DIP2B: variants seen among roughly 807,000 people sequenced by gnomAD.
DIP2B encodes the protein DIP2 acetate--CoA ligase B (putative).
In DIP2B, 76 loss-of-function variants were observed where a neutral mutation model predicts 198.0. That is an observed-to-expected ratio of 0.38 (90% CI 0.32 to 0.46). DIP2B has a LOEUF of 0.46. Ranked by LOEUF, DIP2B falls within the 20% of genes least tolerant of loss-of-function variation. The pLI is 0.99. For missense variants in DIP2B, 1,559 were observed against 1,978.4 expected, an observed-to-expected ratio of 0.79 and a Z score of 4.02; for synonymous variants, 701 against 739.1, an observed-to-expected ratio of 0.95 and a Z score of 0.84.
intron 7 of DIP2B, among the ~76,000 whole-genome samples, chr12:50,677,282 T>C (rs1938962545): frequency 6.6e-6 from 1 of 152,120 alleles, no homozygotes; most frequent in Admixed American, 6.5e-5. Context: ...GTGCACTCTA[T>C]CTAGAGTGAT....
chr12:50,678,552 C>A, intron 7 of DIP2B, 127 bp from the exon 8 acceptor site: 1 of 1,010,030 alleles, frequency 9.9e-7, no homozygotes, highest in Non-Finnish European at 1.4e-6. Flanking sequence ...TAACCATGTC[C>A]TTTCTCAAAG....
chr12:50,725,158 T>G (rs1939908932), intron 28 of DIP2B, among the ~76,000 whole-genome samples: 1 of 152,190 alleles, frequency 6.6e-6, no homozygotes, highest in Non-Finnish European at 1.5e-5. Flanking sequence ...TTATGCTACA[T>G]GTGACTATGT....
chr12:50,596,281 T>A lies in DIP2B; in HGVS notation c.101-29695T>A, dbSNP rs76365183. On this transcript the variant is annotated intron_variant, in intron 1 of 37. Coordinates refer to ENST00000301180, the MANE Select transcript of DIP2B (RefSeq NM_173602.3). ...CAAAAAATAAAAAATTGGGAGAGGGTCTTATGACTCAGTTTTGACTGTATG... is the reference window on the plus strand; with the variant it reads ...CAAAAAATAAAAAATTGGGAGAGGGACTTATGACTCAGTTTTGACTGTATG... Among the ~76,000 whole-genome samples the A allele has an allele frequency of 7.1e-3, 1,082 of 151,878 alleles. 15 individuals carry two copies. The highest frequency in any genetic ancestry group is 0.025 in the African/African-American group (1,041 of 41,420).
chr12:50,639,546 C>G (rs939634), intron 2 of DIP2B, among the ~76,000 whole-genome samples: 145,789 of 151,810 alleles, frequency 0.96, 70,277 homozygotes, highest in East Asian at 1. Context: ...CTTTACTGGG[C>G]TGTGTGGCAC....
chr12:50,637,072 G>A (rs755613876), intron 2 of DIP2B, among the ~76,000 whole-genome samples: 1 of 152,082 alleles, frequency 6.6e-6, no homozygotes, highest in Non-Finnish European at 1.5e-5. Context: ...GATTGATTGA[G>A]CCTTCTTGGA....
chr12:50,700,099 C>G (rs1939392088), intron 19 of DIP2B, among the ~76,000 whole-genome samples: 2 of 152,154 alleles, frequency 1.3e-5, no homozygotes, highest in Admixed American at 1.3e-4. Context: ...TTTTGAGCAC[C>G]TTTAATGTGT....
intron 19 of DIP2B, among the ~76,000 whole-genome samples, chr12:50,700,441 C>G (rs1361561523): frequency 6.6e-6 from 1 of 152,158 alleles, no homozygotes; most frequent in East Asian, 1.9e-4. Context: ...CTTTGAGCTT[C>G]TTTTTCTATA....
chr12:50,555,964 A>G (rs1445848370), intron 1 of DIP2B, among the ~76,000 whole-genome samples: 2 of 151,978 alleles, frequency 1.3e-5, no homozygotes, highest in Admixed American at 6.6e-5. Context: ...CCACACACCA[A>G]TCTTTAGAAA....
At chr12:50,737,744 G>A (rs1940163364) in intron 35 of DIP2B, among the ~76,000 whole-genome samples, 1 of 151,832 alleles carries the variant, frequency 6.6e-6, no homozygotes. Flanking sequence ...GTGCCACCAT[G>A]TCTGGCTAAC....
chr12:50,542,733 A>G lies in DIP2B; in HGVS notation c.100+37493A>G, dbSNP rs546184744. Among the ~76,000 whole-genome samples the G allele has an allele frequency of 7.9e-5, 12 of 152,328 alleles. No homozygotes were observed. The South Asian group carries it at 2.3e-3, about 29-fold the overall frequency. The stretch of plus-strand genomic sequence containing the variant: ...GGTGCTGGAACAATTGCAAAGCTTT[A>G]ATCAGACTTATGATTACACTGTTTC... On this transcript the variant is annotated intron_variant, in intron 1 of 37. Coordinates refer to ENST00000301180, the MANE Select transcript of DIP2B (RefSeq NM_173602.3).
chr12:50,546,177 A>G (rs1958376110), intron 1 of DIP2B, among the ~76,000 whole-genome samples: 1 of 152,236 alleles, frequency 6.6e-6, no homozygotes, highest in Admixed American at 6.5e-5. Context: ...CACATGTGCA[A>G]ATATGCATAA....
chr12:50,719,322 C>T (rs979601341), intron 25 of DIP2B, among the ~76,000 whole-genome samples: 3 of 152,204 alleles, frequency 2.0e-5, no homozygotes, highest in Non-Finnish European at 4.4e-5. Flanking sequence ...TACATAGATA[C>T]ACAGATGTTC....
At chr12:50,692,786 G>A (rs1452178149) in intron 13 of DIP2B, among the ~76,000 whole-genome samples, 163 bp from the exon 14 acceptor site, 1 of 152,104 alleles carries the variant, frequency 6.6e-6, no homozygotes, top group Non-Finnish European at 1.5e-5. Flanking sequence ...GCAGTGAGCC[G>A]AGATTGCATC....
chr12:50,672,310 A>G (rs1938868915), intron 5 of DIP2B, among the ~76,000 whole-genome samples: 1 of 152,188 alleles, frequency 6.6e-6, no homozygotes, highest in African/African-American at 2.4e-5. Context: ...TTAGAGACCC[A>G]TGTGCCAACA....
chr12:50,552,859 T>A (rs935737910), intron 1 of DIP2B, among the ~76,000 whole-genome samples: 16 of 152,088 alleles, frequency 1.1e-4, no homozygotes, highest in Non-Finnish European at 1.9e-4. Flanking sequence ...TGAGTTATTT[T>A]ATTTATTTAT....
intron 1 of DIP2B, among the ~76,000 whole-genome samples, chr12:50,602,488 C>T (rs1427747745): frequency 6.6e-6 from 1 of 152,128 alleles, no homozygotes; most frequent in Non-Finnish European, 1.5e-5. Context: ...AACTCCTGAG[C>T]TCAAGTGATC....
intron 12 of DIP2B, among the ~76,000 whole-genome samples, chr12:50,687,283 A>T (rs2139542873): frequency 6.6e-6 from 1 of 152,306 alleles, no homozygotes; most frequent in South Asian, 2.1e-4. Context: ...TTTATAGATG[A>T]GGAGACTAAG....
chr12:50,623,081 A>G (rs1937846430), intron 1 of DIP2B, among the ~76,000 whole-genome samples: 1 of 152,118 alleles, frequency 6.6e-6, no homozygotes, highest in Non-Finnish European at 1.5e-5. Flanking sequence ...TTAAAAATCA[A>G]ACTCTACTAA....
chr12:50,541,097 G>A (rs1465125189), intron 1 of DIP2B, among the ~76,000 whole-genome samples: 2 of 151,986 alleles, frequency 1.3e-5, no homozygotes. Context: ...AAAAGCTAAG[G>A]GTCACATGAG....
Sources: gnomAD v4.1 joint callset for allele counts (sites outside exome capture counted in the v4.1 genomes callset) on GRCh38, gnomAD v4.1.1 for gene constraint, MANE v1.5 for transcripts, NCBI Gene and HGNC (gene_info 2026-07-23, HGNC 2026-07-21) for gene names.